The following HCRTR2 variants were observed in gnomAD, a reference collection of about 807,000 sequenced individuals.
The protein encoded by HCRTR2 is orexin receptor type 2.
Under a neutral mutation model 49.0 loss-of-function variants are expected in HCRTR2, and 22 were observed. The ratio of observed to expected loss-of-function variants is 0.45; its 90% CI spans 0.32 to 0.64. The LOEUF (loss-of-function observed/expected upper bound fraction) is 0.64. Among genes scored for constraint, HCRTR2 ranks in the 30% least tolerant of loss-of-function variants. The pLI is 0.04. For missense variants in HCRTR2, 491 were observed against 559.4 expected (o/e 0.88, Z 1.23); for synonymous variants, 236 against 205.3 (o/e 1.15, Z -1.28).
At chr6:55,133,390 A>AAAC (rs1554167177) in intron 1 of HCRTR2, among the ~76,000 whole-genome samples, 4 of 150,702 alleles carry the variant, frequency 2.7e-5, no homozygotes, top group South Asian at 2.1e-4. Flanking sequence ...CACACAAAAA[A>AAAC]ACACACACAC....
At chr6:55,221,676 G>A (rs991210386) in intron 1 of HCRTR2, among the ~76,000 whole-genome samples, 3 of 152,032 alleles carry the variant, frequency 2.0e-5, no homozygotes, top group Non-Finnish European at 4.4e-5. Context: ...AGCCGGGCGT[G>A]GTGGTGGGCG....
intron 1 of HCRTR2, among the ~76,000 whole-genome samples, chr6:55,144,837 T>C (rs1204016522): frequency 6.6e-6 from 1 of 152,160 alleles, no homozygotes; most frequent in Non-Finnish European, 1.5e-5. Context: ...GTCTAGACCA[T>C]GCTTATCTTG....
At chr6:55,126,233 G>A (rs7769457) in intron 1 of HCRTR2, among the ~76,000 whole-genome samples, 5,619 of 152,186 alleles carry the variant, frequency 0.037, 342 homozygotes, top group African/African-American at 0.13. Flanking sequence ...TTTTGCACTG[G>A]TTTCTCCCTG....
intron 1 of HCRTR2, among the ~76,000 whole-genome samples, chr6:55,115,696 C>T (rs1234522357): frequency 6.6e-6 from 1 of 151,604 alleles, no homozygotes; most frequent in African/African-American, 2.4e-5. Flanking sequence ...AAGCAATTGA[C>T]ATGTCCACCT....
chr6:55,119,029 C>T (rs1387735573), intron 1 of HCRTR2, among the ~76,000 whole-genome samples: 2 of 151,896 alleles, frequency 1.3e-5, no homozygotes, highest in Non-Finnish European at 2.9e-5. Flanking sequence ...TGAGTGAGAA[C>T]ATGTGGTGTT....
chr6:55,282,443 C>A lies in HCRTR2; in HGVS notation c.1324C>A (p.Gln442Lys), dbSNP rs756289597. Reference sequence around the variant, plus strand: ...AGCAGCCAATGGAGCAGGACCACTTCAAAACTGGTAGAATATTTATTCATA... The same window carrying A: ...AGCAGCCAATGGAGCAGGACCACTTAAAAACTGGTAGAATATTTATTCATA... ...LPAANGAGPLQNW is the reference protein window; with the variant it reads ...LPAANGAGPLKNW The change falls in exon 7 of 7, where the codon CAA becomes AAA. Residue 442 changes from glutamine to lysine, a missense_variant. Gln to Lys is a moderately conservative substitution (Grantham distance 53). Coordinates refer to ENST00000370862, the MANE Select transcript of HCRTR2 (RefSeq NM_001384272.1). The A allele has an allele frequency of 3.2e-6, 5 of 1,551,980 alleles. No individual in the cohort carries two copies. The South Asian group carries it at 3.3e-5, about 10-fold the overall frequency.
intron 1 of HCRTR2, among the ~76,000 whole-genome samples, chr6:55,108,368 A>G (rs1764003263): frequency 1.3e-5 from 2 of 152,108 alleles, no homozygotes; most frequent in South Asian, 4.2e-4. Flanking sequence ...GAATTCACAG[A>G]CCCTTTGAAA....
At chr6:55,210,101 A>G (rs1256221583) in intron 1 of HCRTR2, among the ~76,000 whole-genome samples, 1 of 152,186 alleles carries the variant, frequency 6.6e-6, no homozygotes, top group Non-Finnish European at 1.5e-5. Context: ...ATCTTTTGGA[A>G]TGACACCATT....
At chr6:55,122,016 T>C (rs1195881585) in intron 1 of HCRTR2, among the ~76,000 whole-genome samples, 2 of 152,176 alleles carry the variant, frequency 1.3e-5, no homozygotes, top group African/African-American at 4.8e-5. Flanking sequence ...TTCTATTGAT[T>C]GGAATAGTTT....
intron 1 of HCRTR2, among the ~76,000 whole-genome samples, chr6:55,145,700 A>C (rs1325183884): frequency 6.6e-6 from 1 of 151,982 alleles, no homozygotes; most frequent in Non-Finnish European, 1.5e-5. Flanking sequence ...CAGGCTTGAG[A>C]CACTGCGCCC....
At chr6:55,260,155 A>G (rs183033837) in intron 3 of HCRTR2, among the ~76,000 whole-genome samples, 1 of 152,306 alleles carries the variant, frequency 6.6e-6, no homozygotes, top group East Asian at 1.9e-4. Context: ...CAGTGATGCT[A>G]TCCATAGCTG....
intron 1 of HCRTR2, among the ~76,000 whole-genome samples, chr6:55,140,949 A>G (rs1477667047): frequency 2.6e-5 from 4 of 152,148 alleles, no homozygotes; most frequent in African/African-American, 9.7e-5. Context: ...TAGAATCCCC[A>G]TGCTCTTTCG....
At chr6:55,174,266 A>G (rs201145687), upstream of HCRTR2, 1 of 399,408 alleles carries the variant, frequency 2.5e-6, no homozygotes, top group South Asian at 2.2e-5. Flanking sequence ...GAGTGCTGGA[A>G]TGAGGAGTAA....
At chr6:55,255,047 T>C in intron 2 of HCRTR2, 89 bp from the exon 3 acceptor site, 1 of 1,450,984 alleles carries the variant, frequency 6.9e-7, no homozygotes. Flanking sequence ...TTATATGTTG[T>C]GACTACCTTT....
Position 55,268,164 on chromosome 6 carries a change from G to T in HCRTR2, c.762+4342G>T, listed in dbSNP as rs141332295. Among the ~76,000 whole-genome samples, 619 of 152,048 alleles carry T rather than the reference G, an allele frequency of 4.1e-3. 8 individuals carry two copies. The highest frequency in any genetic ancestry group is 0.014 in the African/African-American group (579 of 41,480). On this transcript the variant is annotated intron_variant, in intron 4 of 6. Coordinates refer to ENST00000370862, the MANE Select transcript of HCRTR2 (RefSeq NM_001384272.1). ...GATTAAGTTGCTAATTTTAATTCCT[G>T]GTGTAACCACTAAGAAAATAATTTT...
intron 4 of HCRTR2, among the ~76,000 whole-genome samples, chr6:55,273,145 G>A (rs1283657995): frequency 6.6e-6 from 1 of 152,012 alleles, no homozygotes; most frequent in African/African-American, 2.4e-5. Context: ...GGGATTTAAT[G>A]TGAAAAACTC....
In HCRTR2 at chr6:55,280,362, T is replaced by A; in HGVS notation, c.1023T>A (p.Thr341=). Residue 341 remains threonine, a synonymous_variant, in exon 6 of 7, where the codon ACT becomes ACA. Coordinates refer to ENST00000370862, the MANE Select transcript of HCRTR2 (RefSeq NM_001384272.1). ...GMFAHTEDRE[T]VYAWFTFSHW... ...TTGCCCATACTGAAGACAGAGAGAC[T>A]GTGTATGCCTGGTTTACCTTTTCAC... 6.2e-7 allele frequency: 1 copy of A among 1,612,284 alleles called. No homozygotes were observed. The highest frequency in any genetic ancestry group is 8.5e-7 in the Non-Finnish European group (1 of 1,178,372).
At chr6:55,246,934 C>A (rs1329676741) in intron 1 of HCRTR2, among the ~76,000 whole-genome samples, 3 of 152,042 alleles carry the variant, frequency 2.0e-5, no homozygotes, top group Admixed American at 2.0e-4. Flanking sequence ...AGTCTTCCCA[C>A]CAGTGCCATT....
intron 1 of HCRTR2, among the ~76,000 whole-genome samples, chr6:55,234,230 A>G (rs1766171801): frequency 1.3e-5 from 2 of 152,158 alleles, no homozygotes; most frequent in Admixed American, 1.3e-4. Flanking sequence ...CAAAAAATAA[A>G]ACCTAGGTCA....
Sources: allele counts gnomAD v4.1 joint callset (sites outside exome capture counted in the v4.1 genomes callset), GRCh38; gene constraint gnomAD v4.1.1; transcripts MANE v1.5; gene names NCBI Gene and HGNC (gene_info 2026-07-23, HGNC 2026-07-21).